Variants in RIOX1 observed in about 807,000 individuals in gnomAD.
RIOX1 encodes ribosomal oxygenase 1, also known as 60S ribosomal protein L8 histidine hydroxylase.
A neutral mutation model predicts 44.6 loss-of-function variants in RIOX1; 33 were observed. That is an observed-to-expected ratio of 0.74 (90% confidence interval 0.56 to 0.99). The LOEUF is 0.99. Among genes scored for constraint, RIOX1 ranks in the 50% least tolerant of loss-of-function variants. The pLI, the probability that RIOX1 is intolerant of heterozygous loss-of-function variation, is 0.00. For missense variants in RIOX1, 821 were observed against 871.7 expected, an observed-to-expected ratio of 0.94 and a Z score of 0.73; for synonymous variants, 387 against 395.8, an observed-to-expected ratio of 0.98 and a Z score of 0.26.
chr14:73,491,749 C>T lies in RIOX1; in HGVS notation c.732C>T (p.Thr244=), dbSNP rs1343469717. The part of the protein sequence containing the change: ...DHTYYQGLFS[T]ADLDSMLRNE... ...CCTACTACCAGGGACTTTTCTCTAC[C>T]GCTGACCTGGATTCGATGCTGCGCA... The change falls in exon 1 of 1, where the codon ACC becomes ACT. Residue 244 remains threonine (T), a synonymous_variant. Transcript: ENST00000304061. 1 of 1,558,280 alleles carries T rather than the reference C, an allele frequency of 6.4e-7. No homozygotes were observed. Among genetic ancestry groups the T allele is most frequent in the South Asian group, 1.2e-5 (1 of 84,934 alleles).
chr14:73,491,591 C>G lies in RIOX1; in HGVS notation c.574C>G (p.Leu192Val), dbSNP rs1885747499. The G allele has an allele frequency of 3.9e-6, 6 of 1,545,822 alleles. No homozygotes were observed. Among genetic ancestry groups the G allele is most frequent in the African/African-American group, 1.4e-5 (1 of 72,970 alleles). The change falls in exon 1 of 1, where the codon CTG (leucine) becomes GTG (valine). Residue 192 changes from leucine (L) to valine (V), a missense_variant. By Grantham distance (32) the Leu-to-Val change is conservative. Around this residue, in one of 2 missense-constraint regions of RIOX1, gnomAD observed 554 missense variants for 531.2 expected, o/e 1.04. Coordinates refer to ENST00000304061, the MANE Select transcript of RIOX1 (RefSeq NM_024644.5). ...CCCGCTGCGGCGCGTCTTGGCCGAG[C>G]TGAACCGCATCCCCAGCAGCCGGCG... ...DSPLRRVLAE[L>V]NRIPSSRRRA...
In RIOX1 at chr14:73,492,487, CTT is replaced by C. The variant is rs763834035; in HGVS notation, c.1472_1473del (p.Phe491CysfsTer4). Reference sequence around the variant, plus strand: ...GGGTCTTGGTTGCCCGCCTGGGACACTTTGCTCCTGTTGATGCTGTGGCCGAC... The same window carrying C: ...GGGTCTTGGTTGCCCGCCTGGGACACTGCTCCTGTTGATGCTGTGGCCGAC... ...VRVLVARLGH[F>X]APVDAVADQR... On this transcript the variant is annotated frameshift_variant, in exon 1 of 1. Coordinates refer to ENST00000304061, the MANE Select transcript of RIOX1 (RefSeq NM_024644.5). LOFTEE classifies it high-confidence loss of function. This position sits in a 1 kb window ranked among gnomAD's most constrained non-coding sequence, Gnocchi z 4.9. 5 of 1,613,764 alleles carry C rather than the reference CTT, an allele frequency of 3.1e-6. No individual in the cohort carries two copies. Among genetic ancestry groups the C allele is most frequent in the Non-Finnish European group, 4.2e-6 (5 of 1,179,796 alleles).
chr14:73,492,277 G>A lies in RIOX1; in HGVS notation c.1260G>A (p.Leu420=), dbSNP rs1885819908. ...GAGTCCACTCTCTGCACCTCACCTT[G>A]TCCACGTACCAGCGCAATACCTGGG... ...QDGVHSLHLT[L]STYQRNTWGD... The change falls in exon 1 of 1, where the codon TTG becomes TTA. Residue 420 remains leucine, a synonymous_variant. Transcript: ENST00000304061. This position sits in a 1 kb window ranked among gnomAD's most constrained non-coding sequence, Gnocchi z 4.9. 1 of 1,613,890 alleles carries A rather than the reference G, an allele frequency of 6.2e-7. No homozygotes were observed. The highest frequency in any genetic ancestry group is 1.1e-5 in the South Asian group (1 of 91,088).
Position 73,493,168 on chromosome 14 carries a change from C to T in RIOX1, c.*225C>T. 6.5e-7 allele frequency: 1 copy of T among 1,526,724 alleles called. No homozygotes were observed. Among genetic ancestry groups the T allele is most frequent in the Non-Finnish European group, 9.1e-7 (1 of 1,101,610 alleles). 94.6% of individuals were successfully genotyped at this position (1,526,724 alleles called of 1,614,324 possible). On this transcript the variant is annotated 3_prime_UTR_variant, in exon 1 of 1. Coordinates refer to ENST00000304061, the MANE Select transcript of RIOX1 (RefSeq NM_024644.5). ...GGAGAAGTTGGAGGTGGAAAAAAAA[C>T]CCTTGATCCGTGATCATTTCAGAGC...
rs1365134793 is a variant in RIOX1, at chr14:73,492,423, C to G, written c.1406C>G (p.Ser469Cys). 6.2e-7 allele frequency: 1 copy of G among 1,613,718 alleles called. No individual in the cohort carries two copies. The highest frequency in any genetic ancestry group is 1.3e-5 in the African/African-American group (1 of 74,980). ...MDYMGAQHSD[S>C]KDPRRTAFME... is the part of the protein sequence containing the mutation. The stretch of plus-strand genomic sequence containing the variant: ...TACATGGGGGCCCAGCATTCAGATT[C>G]TAAGGATCCGCGAAGAACCGCTTTC... The change falls in exon 1 of 1, where the codon TCT becomes TGT. Residue 469 changes from serine (S) to cysteine (C), a missense_variant. Physicochemically the swap from Ser to Cys is moderately radical, Grantham distance 112 (BLOSUM62 -1). Transcript: ENST00000304061. The surrounding 1 kb of genome is among the most constrained non-coding windows in gnomAD (Gnocchi z 4.9).
rs1226868426 is a variant in RIOX1 at position 73,491,035 on chromosome 14, C to T, written c.18C>T (p.Ala6=). MDGLQ[A]SAGPLRRGRP... ...GTCTGGCCATGGATGGGCTCCAGGC[C>T]AGTGCAGGGCCGTTGAGGCGCGGGC... is the stretch of plus-strand genomic sequence containing the variant. Residue 6 remains alanine, a synonymous_variant, in exon 1 of 1, where the codon GCC becomes GCT. Coordinates refer to ENST00000304061, the MANE Select transcript of RIOX1 (RefSeq NM_024644.5). The T allele has an allele frequency of 6.4e-7, 1 of 1,560,958 alleles. No homozygotes were observed. Among genetic ancestry groups the T allele is most frequent in the Non-Finnish European group, 8.7e-7 (1 of 1,152,168 alleles).
At position 73,491,693 on chromosome 14, in the gene RIOX1, G is replaced by C; in HGVS notation, c.676G>C (p.Glu226Gln). 6.5e-7 allele frequency: 1 copy of C among 1,550,078 alleles called. No homozygotes were observed. The highest frequency in any genetic ancestry group is 1.2e-5 in the South Asian group (1 of 84,082). ...CTTTTACCGGCGCCTATGGGAGCGCGAGGCGGTGCTGGTGCGGCGGCAGGA... is the reference window on the plus strand; with the variant it reads ...CTTTTACCGGCGCCTATGGGAGCGCCAGGCGGTGCTGGTGCGGCGGCAGGA... Reference protein sequence around the residue: ...DHFYRRLWEREAVLVRRQDHT... With the variant: ...DHFYRRLWERQAVLVRRQDHT... Residue 226 changes from glutamate (E) to glutamine (Q), a missense_variant, in exon 1 of 1, where the codon GAG (glutamate) becomes CAG (glutamine). Glu to Gln is a conservative substitution (Grantham distance 29). Transcript: ENST00000304061.
At position 73,493,226 on chromosome 14, in the gene RIOX1, T is replaced by C. The variant is rs1027430670; in HGVS notation, c.*283T>C. On this transcript the variant is annotated 3_prime_UTR_variant, in exon 1 of 1. Transcript: ENST00000304061. ...TCATCACCTTCAGGCTTCAGTGTACTGGGTAACACTGACCATGTCGTTCTG... is the reference window on the plus strand; with the variant it reads ...TCATCACCTTCAGGCTTCAGTGTACCGGGTAACACTGACCATGTCGTTCTG... 2.3e-6 allele frequency: 2 copies of C among 885,192 alleles called. No individual in the cohort carries two copies. Among genetic ancestry groups the C allele is most frequent in the Non-Finnish European group, 3.7e-6 (2 of 541,558 alleles). The allele number at this position is 885,192 out of a possible 1,614,324, so 54.8% of individuals were successfully genotyped here.
chr14:73,493,247 T>C lies in RIOX1; in HGVS notation c.*304T>C. On this transcript the variant is annotated 3_prime_UTR_variant, in exon 1 of 1. Coordinates refer to ENST00000304061, the MANE Select transcript of RIOX1 (RefSeq NM_024644.5). ...GTACTGGGTAACACTGACCATGTCG[T>C]TCTGCTTGAGACAGATATTAGATTT... The C allele has an allele frequency of 1.3e-6, 1 of 775,150 alleles. No individual in the cohort carries two copies. Among genetic ancestry groups the C allele is most frequent in the Non-Finnish European group, 2.2e-6 (1 of 459,370 alleles). The allele number at this position is 775,150 out of a possible 1,614,324, so 48.0% of individuals were successfully genotyped here. A position where few individuals can be genotyped will look rare whatever the true frequency, so the allele number is the denominator to read the frequency against.
In RIOX1 at chr14:73,491,667, A is replaced by G. The variant is rs758646862; in HGVS notation, c.650A>G (p.His217Arg). 2.4e-4 allele frequency: 367 copies of G among 1,549,798 alleles called. No homozygotes were observed. Among genetic ancestry groups the G allele is most frequent in the Middle Eastern group, 7.0e-4 (4 of 5,734 alleles). Residue 217 changes from histidine (H) to arginine (R), a missense_variant, in exon 1 of 1, where the codon CAC becomes CGC. By Grantham distance (29) the His-to-Arg change is conservative. Coordinates refer to ENST00000304061, the MANE Select transcript of RIOX1 (RefSeq NM_024644.5). ...CTCATCGCGCCCATGCCGCCAGATCACTTTTACCGGCGCCTATGGGAGCGC... is the reference window on the plus strand; with the variant it reads ...CTCATCGCGCCCATGCCGCCAGATCGCTTTTACCGGCGCCTATGGGAGCGC... The part of the protein sequence containing the change: ...EWLIAPMPPD[H>R]FYRRLWEREA...
rs1018681149 is a variant in RIOX1 at position 73,491,348 on chromosome 14, G to T, written c.331G>T (p.Ala111Ser). 2.1e-6 allele frequency: 3 copies of T among 1,437,668 alleles called. No individual in the cohort carries two copies. The highest frequency in any genetic ancestry group is 2.7e-6 in the Non-Finnish European group (3 of 1,097,848). The allele number at this position is 1,437,668 out of a possible 1,614,324, so 89.1% of individuals were successfully genotyped here. A position where few individuals can be genotyped will look rare whatever the true frequency, so the allele number is the denominator to read the frequency against. Residue 111 changes from alanine (A) to serine (S), a missense_variant, in exon 1 of 1, where the codon GCC becomes TCC. Ala to Ser is a moderately conservative substitution (Grantham distance 99). Coordinates refer to ENST00000304061, the MANE Select transcript of RIOX1 (RefSeq NM_024644.5). Reference protein sequence around the residue: ...GPAELLEASPAARSLQTPSAR... With the variant: ...GPAELLEASPSARSLQTPSAR... ...CGCAGAGCTGCTGGAGGCCTCGCCC[G>T]CCGCGCGCTCCCTGCAGACCCCGTC... is the stretch of plus-strand genomic sequence containing the variant.
Position 73,492,071 on chromosome 14 carries a change from G to T in RIOX1, c.1054G>T (p.Glu352Ter). The T allele has an allele frequency of 6.2e-7, 1 of 1,613,996 alleles. No individual in the cohort carries two copies. Among genetic ancestry groups the T allele is most frequent in the African/African-American group, 1.3e-5 (1 of 75,054 alleles). Residue 352 changes from glutamate (E) to a stop codon, truncating the protein, a stop_gained, in exon 1 of 1, where the codon GAA becomes TAA. Coordinates refer to ENST00000304061, the MANE Select transcript of RIOX1 (RefSeq NM_024644.5). LOFTEE classifies it high-confidence loss of function. The surrounding 1 kb of genome is among the most constrained non-coding windows in gnomAD (Gnocchi z 4.9). ...CATCGAGGCCTTCGTGCTGCAGCTG[G>T]AAGGTAGGAAACTCTGGCGTGTATA... ...DDIEAFVLQL[E>*]GRKLWRVYRP...
In RIOX1 at chr14:73,492,615, G is replaced by A; in HGVS notation, c.1598G>A (p.Gly533Glu). 1 of 1,613,938 alleles carries A rather than the reference G, an allele frequency of 6.2e-7. No homozygotes were observed. The highest frequency in any genetic ancestry group is 8.5e-7 in the Non-Finnish European group (1 of 1,179,876). The change falls in exon 1 of 1, where the codon GGA becomes GAA. Residue 533 changes from glycine (G) to glutamate (E), a missense_variant. Physicochemically the swap from Gly to Glu is moderately conservative, Grantham distance 98. Transcript: ENST00000304061. The surrounding 1 kb of genome is among the most constrained non-coding windows in gnomAD (Gnocchi z 4.9). ...VYGLPIRWEA[G>E]EPVNVGAQLT... Reference sequence around the variant, plus strand: ...GGGCTTCCAATTCGCTGGGAGGCTGGAGAACCTGTAAACGTGGGGGCCCAG... The same window carrying A: ...GGGCTTCCAATTCGCTGGGAGGCTGAAGAACCTGTAAACGTGGGGGCCCAG...
Position 73,491,251 on chromosome 14 carries a change from G to A in RIOX1, c.234G>A (p.Ala78=). ...VESTADDLGD[A]LPGGAAVAAV... The stretch of plus-strand genomic sequence containing the variant: ...CGACGGCCGACGACCTGGGGGACGC[G>A]CTACCCGGTGGGGCGGCGGTGGCGG... Residue 78 remains alanine (A), a synonymous_variant, in exon 1 of 1, where the codon GCG becomes GCA. Transcript: ENST00000304061. 4 of 1,582,238 alleles carry A rather than the reference G, an allele frequency of 2.5e-6. No individual in the cohort carries two copies. Among genetic ancestry groups the A allele is most frequent in the Non-Finnish European group, 3.4e-6 (4 of 1,162,954 alleles).
rs775015711 is a variant in RIOX1 at position 73,491,258 on chromosome 14, G to A, written c.241G>A (p.Gly81Ser). ...TADDLGDALP[G>S]GAAVAAVPDA... ...CGACGACCTGGGGGACGCGCTACCC[G>A]GTGGGGCGGCGGTGGCGGCCGTCCC... The change falls in exon 1 of 1, where the codon GGT (glycine) becomes AGT (serine). Residue 81 changes from glycine to serine, a missense_variant. Coordinates refer to ENST00000304061, the MANE Select transcript of RIOX1 (RefSeq NM_024644.5). The A allele has an allele frequency of 8.9e-6, 14 of 1,578,392 alleles. No homozygotes were observed. Among genetic ancestry groups the A allele is most frequent in the East Asian group, 2.3e-5 (1 of 42,768 alleles).
chr14:73,493,076 G>C lies in RIOX1; in HGVS notation c.*133G>C, dbSNP rs746840355. The C allele has an allele frequency of 6.2e-7, 1 of 1,601,434 alleles. No homozygotes were observed. Among genetic ancestry groups the C allele is most frequent in the Non-Finnish European group, 8.5e-7 (1 of 1,178,446 alleles). On this transcript the variant is annotated 3_prime_UTR_variant, in exon 1 of 1. Coordinates refer to ENST00000304061, the MANE Select transcript of RIOX1 (RefSeq NM_024644.5). ...TGTGCTCACATTTACCTTTATCACT[G>C]CTTCAGTGTCACAAACCTCGGAAGG... is the stretch of plus-strand genomic sequence containing the variant.
Position 73,491,484 on chromosome 14 carries a change from C to G in RIOX1, c.467C>G (p.Ala156Gly). 6.0e-6 allele frequency: 9 copies of G among 1,498,990 alleles called. No individual in the cohort carries two copies. The highest frequency in any genetic ancestry group is 8.0e-6 in the Non-Finnish European group (9 of 1,130,238). The allele number at this position is 1,498,990 out of a possible 1,614,324, so 92.9% of individuals were successfully genotyped here. Residue 156 changes from alanine (A) to glycine (G), a missense_variant, in exon 1 of 1, where the codon GCG becomes GGG. Ala to Gly is a moderately conservative substitution (Grantham distance 60, BLOSUM62 0). Transcript: ENST00000304061. ...SALLCTAQHLAAVQSSGAPAT... is the reference protein window; with the variant it reads ...SALLCTAQHLGAVQSSGAPAT... ...CTGCTGTGCACCGCGCAACACTTAGCGGCCGTCCAGTCGTCCGGGGCCCCT... is the reference window on the plus strand; with the variant it reads ...CTGCTGTGCACCGCGCAACACTTAGGGGCCGTCCAGTCGTCCGGGGCCCCT...
Position 73,492,418 on chromosome 14 carries a change from A to G in RIOX1, c.1401A>G (p.Ser467=), listed in dbSNP as rs1410226930. The change falls in exon 1 of 1, where the codon TCA becomes TCG. Residue 467 remains serine (S), a synonymous_variant. Coordinates refer to ENST00000304061, the MANE Select transcript of RIOX1 (RefSeq NM_024644.5). The surrounding 1 kb of genome is among the most constrained non-coding windows in gnomAD (Gnocchi z 4.9). Reference sequence around the variant, plus strand: ...TGGATTACATGGGGGCCCAGCATTCAGATTCTAAGGATCCGCGAAGAACCG... The same window carrying G: ...TGGATTACATGGGGGCCCAGCATTCGGATTCTAAGGATCCGCGAAGAACCG... ...DFMDYMGAQH[S]DSKDPRRTAF... is the part of the protein sequence containing the mutation. The G allele has an allele frequency of 5.0e-6, 8 of 1,613,788 alleles. No individual in the cohort carries two copies. The highest frequency in any genetic ancestry group is 2.2e-5 in the East Asian group (1 of 44,862).
chr14:73,492,948 T>C lies in RIOX1; in HGVS notation c.*5T>C. On this transcript the variant is annotated 3_prime_UTR_variant, in exon 1 of 1. Coordinates refer to ENST00000304061, the MANE Select transcript of RIOX1 (RefSeq NM_024644.5). The surrounding 1 kb of genome is among the most constrained non-coding windows in gnomAD (Gnocchi z 4.9). The stretch of plus-strand genomic sequence containing the variant: ...ATGCCTCTAGCCCTAAATTAGTTTC[T>C]TGTTGATTGCTGGAAACAAGGCAGT... 1 of 1,611,770 alleles carries C rather than the reference T, an allele frequency of 6.2e-7. No individual in the cohort carries two copies. The highest frequency in any genetic ancestry group is 8.5e-7 in the Non-Finnish European group (1 of 1,178,704).
Sources: gnomAD v4.1 joint callset for allele counts on GRCh38, gnomAD v4.1.1 for gene constraint, gnomAD v4.1.1 regional missense constraint, Gnocchi (gnomAD v3.1) non-coding constraint, MANE v1.5 for transcripts, NCBI Gene and HGNC (gene_info 2026-07-23, HGNC 2026-07-21) for gene names.